KLHL6: variants seen among roughly 807,000 people sequenced by gnomAD.
KLHL6 encodes the protein kelch like family member 6.
Under a neutral mutation model 58.6 loss-of-function variants are expected in KLHL6, and 41 were observed. The ratio of observed to expected loss-of-function variants is 0.70; its 90% confidence interval spans 0.55 to 0.91. The LOEUF (loss-of-function observed/expected upper bound fraction) is 0.91, where lower values mean the gene tolerates loss of function less well. KLHL6 is among the 40% of genes least tolerant of loss of function. The pLI is 0.00. For synonymous variants in KLHL6, 338 were observed against 322.7 expected, an observed-to-expected ratio of 1.05 and a Z score of -0.51; for missense variants, 714 against 805.6, an observed-to-expected ratio of 0.89 and a Z score of 1.38.
At chr3:183,510,598 G>C (rs144485130) in intron 2 of KLHL6, among the ~76,000 whole-genome samples, 1,566 of 152,208 alleles carry the variant, frequency 0.01, 29 homozygotes, top group African/African-American at 0.036. Context: ...TTTTAGGCCG[G>C]GCGCGGTGGC....
At position 183,529,834 on chromosome 3, in the gene KLHL6, T is replaced by C. The variant is rs141875744; in HGVS notation, c.294-1824A>G. On this transcript the variant is annotated intron_variant, in intron 1 of 6. Coordinates refer to ENST00000341319, the MANE Select transcript of KLHL6 (RefSeq NM_130446.4). The stretch of plus-strand genomic sequence containing the variant: ...AAACTCTAACCCCGCAGTGTGACTC[T>C]ATTTGGAAATAGGGGTTTTAGGAGG... Among the ~76,000 whole-genome samples, 63 of 152,176 alleles carry C rather than the reference T, an allele frequency of 4.1e-4. 1 individual carries two copies. The East Asian group carries it at 0.012, about 29-fold the overall frequency.
At chr3:183,516,205 CTT>C (rs1711553464) in intron 2 of KLHL6, among the ~76,000 whole-genome samples, 1 of 152,184 alleles carries the variant, frequency 6.6e-6, no homozygotes, top group African/African-American at 2.4e-5. Flanking sequence ...TCAATAAACA[CTT>C]TTAGTGTGAG....
chr3:183,500,123 AG>A, intron 3 of KLHL6, among the ~76,000 whole-genome samples: 1 of 152,308 alleles, frequency 6.6e-6, no homozygotes, highest in Middle Eastern at 3.4e-3. Context: ...TTAAGAGGTG[AG>A]GGTCTATTTA....
At chr3:183,515,329 A>G (rs1015881062) in intron 2 of KLHL6, among the ~76,000 whole-genome samples, 2 of 152,156 alleles carry the variant, frequency 1.3e-5, no homozygotes, top group African/African-American at 2.4e-5. Context: ...AGGAGAATCA[A>G]TTGAGCCCAG....
intron 2 of KLHL6, among the ~76,000 whole-genome samples, chr3:183,514,818 G>A (rs766300609): frequency 3.3e-5 from 5 of 151,866 alleles, no homozygotes; most frequent in African/African-American, 7.3e-5. Context: ...ACAGGGGCAC[G>A]CCACCACACC....
rs1717502774 is a variant in KLHL6 at position 183,490,089 on chromosome 3, C to T, written c.*1838G>A. On this transcript the variant is annotated 3_prime_UTR_variant, in exon 7 of 7. Transcript: ENST00000341319. ...AGGATCTCTTAACCTGTTTCTCCAG[C>T]TTGGGGATTAGAATGAATTTCCAGT... 1.3e-5 allele frequency: 2 copies of T among 152,218 alleles called. No homozygotes were observed. The highest frequency in any genetic ancestry group is 2.1e-4 in the South Asian group (1 of 4,826). 9.4% of individuals were successfully genotyped at this position (152,218 alleles called of 1,614,324 possible).
chr3:183,508,050 T>C lies in KLHL6; in HGVS notation c.909+9A>G. 6.2e-7 allele frequency: 1 copy of C among 1,611,124 alleles called. No homozygotes were observed. The highest frequency in any genetic ancestry group is 8.5e-7 in the Non-Finnish European group (1 of 1,177,776). ...TGGTTAAATATAGCACCTCTTATCT[T>C]CTACTCACCTCATTGCCAGAAAGGT... On this transcript the variant is annotated intron_variant, in intron 3 of 6. Transcript: ENST00000341319.
chr3:183,497,360 C>T (rs1330523973), intron 4 of KLHL6, among the ~76,000 whole-genome samples: 4 of 152,080 alleles, frequency 2.6e-5, no homozygotes, highest in African/African-American at 4.8e-5. Flanking sequence ...TGCAGTGAGC[C>T]GAGATCTCGC....
intron 2 of KLHL6, among the ~76,000 whole-genome samples, chr3:183,525,088 A>G (rs984231188): frequency 2.0e-4 from 30 of 151,988 alleles, no homozygotes; most frequent in Non-Finnish European, 3.5e-4. Flanking sequence ...ACATGGTGAA[A>G]CCCCGTCTCT....
At chr3:183,495,866 G>C (rs1218178227) in intron 4 of KLHL6, among the ~76,000 whole-genome samples, 1 of 152,078 alleles carries the variant, frequency 6.6e-6, no homozygotes, top group Non-Finnish European at 1.5e-5. Context: ...AAACTGATCA[G>C]TTAAAAACAA....
At chr3:183,511,046 G>A (rs549040825) in intron 2 of KLHL6, among the ~76,000 whole-genome samples, 18 of 152,234 alleles carry the variant, frequency 1.2e-4, no homozygotes, top group Admixed American at 8.5e-4. Flanking sequence ...GGGGACCAGC[G>A]CTCAGCATAC....
rs772446053 is a variant in KLHL6 at position 183,499,642 on chromosome 3, C to T, written c.1095G>A (p.Lys365=). The change falls in exon 4 of 7, where the codon AAG becomes AAA. Residue 365 remains lysine, a synonymous_variant. Transcript: ENST00000341319. This position sits in a 1 kb window ranked among gnomAD's most constrained non-coding sequence, Gnocchi z 4.6. ...LTEHELESEN[K]KWVEFACVTL... is the part of the protein sequence containing the mutation. Reference sequence around the variant, plus strand: ...TCACGCATGCAAACTCCACCCACTTCTTATTCTCACTCTCCAGCTCATGCT... The same window carrying T: ...TCACGCATGCAAACTCCACCCACTTTTTATTCTCACTCTCCAGCTCATGCT... 1 of 1,609,992 alleles carries T rather than the reference C, an allele frequency of 6.2e-7. No homozygotes were observed. Among genetic ancestry groups the T allele is most frequent in the East Asian group, 2.2e-5 (1 of 44,788 alleles).
At position 183,555,681 on chromosome 3, in the gene KLHL6, G is replaced by A. The variant is rs1380095440; in HGVS notation, c.-28C>T. 1.3e-6 allele frequency: 2 copies of A among 1,547,370 alleles called. No homozygotes were observed. Among genetic ancestry groups the A allele is most frequent in the South Asian group, 2.5e-5 (2 of 80,110 alleles). On this transcript the variant is annotated 5_prime_UTR_variant, in exon 1 of 7. Transcript: ENST00000341319. Reference sequence around the variant, plus strand: ...AGACTGAAGGAGCGCCCAAGTGTCAGGCAGGCCCCATTGCAGGAGCTGAGC... The same window carrying A: ...AGACTGAAGGAGCGCCCAAGTGTCAAGCAGGCCCCATTGCAGGAGCTGAGC...
intron 2 of KLHL6, among the ~76,000 whole-genome samples, chr3:183,519,895 C>CAAAA (rs56101517): frequency 8.4e-5 from 7 of 83,236 alleles, no homozygotes; most frequent in Non-Finnish European, 1.1e-4. Flanking sequence ...AACCCTGTCT[C>CAAAA]AAAAAAAAAA....
intron 2 of KLHL6, chr3:183,520,497 G>A (rs1365148079): frequency 2.0e-5 from 3 of 151,946 alleles, no homozygotes; most frequent in South Asian, 4.2e-4. Flanking sequence ...GAGGACCCAC[G>A]CCGACACTGG....
Position 183,544,059 on chromosome 3 carries a change from C to A in KLHL6, c.293+11302G>T, listed in dbSNP as rs184290477. Among the ~76,000 whole-genome samples, 573 of 148,322 alleles carry A rather than the reference C, an allele frequency of 3.9e-3. 7 individuals carry two copies. The highest frequency in any genetic ancestry group is 0.013 in the African/African-American group (544 of 40,330). On this transcript the variant is annotated intron_variant, in intron 1 of 6. Transcript: ENST00000341319. ...ACGCCTGTAGTCCCAGCTACTCGGG[C>A]GGCTGAGGCAGAAGAATCGCTTGAA...
At chr3:183,515,649 A>G (rs556017507) in intron 2 of KLHL6, among the ~76,000 whole-genome samples, 2 of 152,340 alleles carry the variant, frequency 1.3e-5, no homozygotes, top group Admixed American at 1.3e-4. Context: ...GGCTTCTCCT[A>G]TTCCCCAACA....
intron 2 of KLHL6, among the ~76,000 whole-genome samples, chr3:183,521,949 C>T (rs1711777055): frequency 6.6e-6 from 1 of 150,996 alleles, no homozygotes; most frequent in African/African-American, 2.4e-5. Flanking sequence ...CCCGCCTCCA[C>T]CTCCCAAAGT....
chr3:183,538,028 C>T (rs1712422061), intron 1 of KLHL6, among the ~76,000 whole-genome samples: 1 of 152,006 alleles, frequency 6.6e-6, no homozygotes, highest in African/African-American at 2.4e-5. Flanking sequence ...CTTCCTAGTC[C>T]CTTTGCACTT....
Sources: allele counts gnomAD v4.1 joint callset (sites outside exome capture counted in the v4.1 genomes callset), GRCh38; gene constraint gnomAD v4.1.1; non-coding constraint Gnocchi (gnomAD v3.1); transcripts MANE v1.5; gene names NCBI Gene and HGNC (gene_info 2026-07-23, HGNC 2026-07-21).